ZNF503: variants seen among roughly 807,000 people sequenced by gnomAD.
The protein encoded by ZNF503 is zinc finger protein 503, also known as NocA-like zinc finger 2.
In ZNF503, 15 loss-of-function variants were observed where a neutral mutation model predicts 34.4. That is an observed-to-expected ratio of 0.44 (90% CI 0.29 to 0.67). The LOEUF (loss-of-function observed/expected upper bound fraction) is 0.67, where lower values mean the gene tolerates loss of function less well. Among genes scored for constraint, ZNF503 ranks in the 30% least tolerant of loss-of-function variants. The probability of loss-of-function intolerance (pLI) is 0.13; values close to 1 mark genes in which losing one functional copy is unlikely to be tolerated. For synonymous variants in ZNF503, 580 were observed against 456.8 expected (o/e 1.27, Z -3.44); for missense variants, 1,007 against 926.8 (o/e 1.09, Z -1.12).
the ZNF503 span, among the ~76,000 whole-genome samples, chr10:75,310,637 G>A: frequency 6.6e-6 from 1 of 152,196 alleles, no homozygotes; most frequent in Admixed American, 6.5e-5. Context: ...TAAGTAAGGA[G>A]CAAGGACTTT....
At chr10:75,354,309 T>C in the ZNF503 span, among the ~76,000 whole-genome samples, 2 of 152,156 alleles carry the variant, frequency 1.3e-5, no homozygotes, top group Admixed American at 6.6e-5. Context: ...TGGGCAACAT[T>C]ATGCCAATAA....
At chr10:75,332,207 A>G in the ZNF503 span, among the ~76,000 whole-genome samples, 6 of 152,034 alleles carry the variant, frequency 3.9e-5, no homozygotes, top group Non-Finnish European at 7.4e-5. Context: ...ATTCATAGTC[A>G]ATAATCTCTT....
At chr10:75,379,033 T>C in the ZNF503 span, among the ~76,000 whole-genome samples, 1 of 152,128 alleles carries the variant, frequency 6.6e-6, no homozygotes, top group Non-Finnish European at 1.5e-5. Context: ...AACAGTGCCC[T>C]AAACAAAGTA....
chr10:75,395,528 G>T (rs1044610291), downstream of ZNF503, among the ~76,000 whole-genome samples: 2 of 152,208 alleles, frequency 1.3e-5, no homozygotes, highest in Admixed American at 6.5e-5. This position sits in a 1 kb window ranked among gnomAD's most constrained non-coding sequence, Gnocchi z 4.4. Flanking sequence ...GGCTCCAGCC[G>T]CCAGCCGGCG....
chr10:75,361,079 C>T, the ZNF503 span: 2 of 152,324 alleles, frequency 1.3e-5, no homozygotes, highest in South Asian at 4.1e-4. Flanking sequence ...TCCTCTGACC[C>T]CTGTTACTGT....
the ZNF503 span, among the ~76,000 whole-genome samples, chr10:75,341,165 T>A: frequency 6.6e-6 from 1 of 152,244 alleles, no homozygotes; most frequent in Admixed American, 6.5e-5. Flanking sequence ...GCATAGTGTC[T>A]GATACATAGT....
chr10:75,296,211 G>A, the ZNF503 span, among the ~76,000 whole-genome samples: 1 of 152,220 alleles, frequency 6.6e-6, no homozygotes, highest in African/African-American at 2.4e-5. Flanking sequence ...GTCTCAGCAT[G>A]GTAGAGGGGC....
chr10:75,306,800 T>C, the ZNF503 span, among the ~76,000 whole-genome samples: 1 of 152,192 alleles, frequency 6.6e-6, no homozygotes, highest in African/African-American at 2.4e-5. Context: ...CTGTGATCAA[T>C]GATCTTAGGT....
At chr10:75,289,804 G>A in the ZNF503 span, among the ~76,000 whole-genome samples, 2 of 152,128 alleles carry the variant, frequency 1.3e-5, no homozygotes, top group African/African-American at 2.4e-5. Flanking sequence ...AGCCTCAGGT[G>A]ATCTGCCCGC....
chr10:75,394,540 C>A (rs971300291), downstream of ZNF503, among the ~76,000 whole-genome samples: 2 of 152,230 alleles, frequency 1.3e-5, no homozygotes, highest in African/African-American at 4.8e-5. Flanking sequence ...TAACCGATTG[C>A]GCTGCTGGAG....
chr10:75,346,334 CTT>C, the ZNF503 span, among the ~76,000 whole-genome samples: 1 of 152,110 alleles, frequency 6.6e-6, no homozygotes, highest in Non-Finnish European at 1.5e-5. Context: ...AGTTTGGTGT[CTT>C]GAAAATCTTG....
the ZNF503 span, among the ~76,000 whole-genome samples, chr10:75,297,614 C>T: frequency 6.6e-6 from 1 of 152,240 alleles, no homozygotes; most frequent in Non-Finnish European, 1.5e-5. Context: ...GGCAGAAAAT[C>T]TCACAGAGAC....
chr10:75,316,001 T>C, the ZNF503 span, among the ~76,000 whole-genome samples: 1 of 152,144 alleles, frequency 6.6e-6, no homozygotes, highest in Non-Finnish European at 1.5e-5. Flanking sequence ...GATAAATGGG[T>C]CAATTTATGA....
the ZNF503 span, among the ~76,000 whole-genome samples, chr10:75,305,247 C>T: frequency 6.6e-6 from 1 of 152,008 alleles, no homozygotes; most frequent in Non-Finnish European, 1.5e-5. Context: ...CTTCCCTGTT[C>T]TGTAACAAAT....
At chr10:75,397,019 C>G (rs1209357296), downstream of ZNF503, among the ~76,000 whole-genome samples, 4 of 152,210 alleles carry the variant, frequency 2.6e-5, no homozygotes, top group Admixed American at 1.3e-4. Context: ...CTGGTAGCCC[C>G]AGAAAGGCCG....
At chr10:75,390,794 G>A in the ZNF503 span, among the ~76,000 whole-genome samples, 1 of 152,020 alleles carries the variant, frequency 6.6e-6, no homozygotes, top group Non-Finnish European at 1.5e-5. Context: ...AGTCAACTTG[G>A]GCTGCCAGAC....
chr10:75,329,039 G>T, the ZNF503 span, among the ~76,000 whole-genome samples: 6 of 152,142 alleles, frequency 3.9e-5, no homozygotes, highest in Admixed American at 3.9e-4. Flanking sequence ...GAGCCACCGT[G>T]CTCGGCCTGT....
chr10:75,293,831 A>G, the ZNF503 span, among the ~76,000 whole-genome samples: 1 of 152,210 alleles, frequency 6.6e-6, no homozygotes, highest in African/African-American at 2.4e-5. Context: ...ATCTGTAAGC[A>G]TCCTAAGGTG....
chr10:75,310,009 T>C, the ZNF503 span, among the ~76,000 whole-genome samples: 1 of 152,354 alleles, frequency 6.6e-6, no homozygotes, highest in East Asian at 1.9e-4. Flanking sequence ...ATTTTTATAC[T>C]TTAAAATTTC....
Sources: gnomAD v4.1 joint callset for allele counts (sites outside exome capture counted in the v4.1 genomes callset) on GRCh38, gnomAD v4.1.1 for gene constraint, Gnocchi (gnomAD v3.1) non-coding constraint, MANE v1.5 for transcripts, NCBI Gene and HGNC (gene_info 2026-07-23, HGNC 2026-07-21) for gene names.